IGF2BP3: variants seen among roughly 807,000 people sequenced by gnomAD.
IGF2BP3 encodes insulin-like growth factor 2 mRNA-binding protein 3.
IGF2BP3 carries 9 observed loss-of-function variants against 73.8 expected under a neutral mutation model. That is an observed-to-expected ratio of 0.12 (90% CI 0.07 to 0.21). IGF2BP3 has a LOEUF of 0.21. IGF2BP3 is among the 10% of genes least tolerant of loss of function. IGF2BP3 has a pLI of 1.00. For missense variants in IGF2BP3, 542 were observed against 714.0 expected (o/e 0.76, Z 2.75); for synonymous variants, 258 against 256.7 (o/e 1.01, Z -0.05).
intron 10 of IGF2BP3, among the ~76,000 whole-genome samples, chr7:23,321,795 A>T (rs538824586): frequency 4.7e-4 from 72 of 152,090 alleles, no homozygotes; most frequent in Admixed American, 1.0e-3. Flanking sequence ...ACTGGGAGGC[A>T]CCCCCCAGCA....
At chr7:23,409,615 A>C (rs2128530299) in intron 3 of IGF2BP3, among the ~76,000 whole-genome samples, 1 of 152,340 alleles carries the variant, frequency 6.6e-6, no homozygotes, top group South Asian at 2.1e-4. Flanking sequence ...TTGTAACAAA[A>C]GTGTGAGGGC....
At chr7:23,325,106 C>A (rs1269260101) in intron 10 of IGF2BP3, among the ~76,000 whole-genome samples, 3 of 151,958 alleles carry the variant, frequency 2.0e-5, no homozygotes, top group African/African-American at 7.3e-5. Flanking sequence ...AAAGGGTATT[C>A]AATTAGGAAA....
chr7:23,398,258 C>G (rs1786542335), intron 3 of IGF2BP3, among the ~76,000 whole-genome samples: 1 of 152,136 alleles, frequency 6.6e-6, no homozygotes, highest in Non-Finnish European at 1.5e-5. Context: ...TTTTTTATGG[C>G]TGCATAGTAT....
intron 2 of IGF2BP3, among the ~76,000 whole-genome samples, chr7:23,437,526 C>T (rs1787834350): frequency 6.6e-6 from 1 of 151,112 alleles, no homozygotes; most frequent in Non-Finnish European, 1.5e-5. Flanking sequence ...ATAAATAAAA[C>T]AATCTGGACT....
chr7:23,355,933 CA>C (rs35407214), intron 5 of IGF2BP3, among the ~76,000 whole-genome samples: 58,453 of 115,718 alleles, frequency 0.51, 13,009 homozygotes, highest in African/African-American at 0.69. Context: ...ACTTTGTCTC[CA>C]AAAAAAAAAA....
Position 23,347,684 on chromosome 7 carries a change from G to C in IGF2BP3, c.734C>G (p.Thr245Ser). Residue 245 changes from threonine to serine, a missense_variant, in exon 7 of 15, where the codon ACT becomes AGT. By Grantham distance (58) the Thr-to-Ser change is moderately conservative. Around this residue, in one of 2 missense-constraint regions of IGF2BP3, gnomAD observed 303 missense variants for 472.1 expected, o/e 0.64. Transcript: ENST00000258729. ...ENAGAAEKSITILSTPEGTSA... is the reference protein window; with the variant it reads ...ENAGAAEKSISILSTPEGTSA... ...GGTGCCTTCAGGAGTAGAGAGGATA[G>C]TAATCGACTTCTCAGCAGCCCCCGC... 4.3e-6 allele frequency: 7 copies of C among 1,614,116 alleles called. No homozygotes were observed. The highest frequency in any genetic ancestry group is 5.9e-6 in the Non-Finnish European group (7 of 1,180,034).
At position 23,361,327 on chromosome 7, in the gene IGF2BP3, T is replaced by C. The variant is rs1026251110; in HGVS notation, c.401+207A>G. ...CACTCTATTATTGGCATTAAAGATA[T>C]ATTGAAAATGTAATACAACTTTAAC... On this transcript the variant is annotated intron_variant, in intron 5 of 14. Transcript: ENST00000258729. 1.6e-5 allele frequency: 8 copies of C among 512,438 alleles called. No individual in the cohort carries two copies. The Admixed American group carries it at 1.7e-4, about 11-fold the overall frequency. 31.7% of individuals were successfully genotyped at this position (512,438 alleles called of 1,614,324 possible). A position where few individuals can be genotyped will look rare whatever the true frequency, so the allele number is the denominator to read the frequency against.
chr7:23,329,733 T>C (rs1046983373), intron 10 of IGF2BP3, among the ~76,000 whole-genome samples: 7 of 152,224 alleles, frequency 4.6e-5, no homozygotes, highest in Non-Finnish European at 8.8e-5. Context: ...GCAGCAGCCA[T>C]GTGGCAAGAT....
At chr7:23,459,552 G>T (rs951724832) in intron 2 of IGF2BP3, among the ~76,000 whole-genome samples, 1 of 152,122 alleles carries the variant, frequency 6.6e-6, no homozygotes, top group African/African-American at 2.4e-5. Context: ...TGGACTTGGG[G>T]CCAGGTGCGG....
Position 23,443,858 on chromosome 7 carries a change from A to T in IGF2BP3, c.236+24624T>A, listed in dbSNP as rs537579217. 7.9e-5 allele frequency among the ~76,000 whole-genome samples: 12 copies of T among 151,682 alleles called. No individual in the cohort carries two copies. The South Asian group carries it at 2.1e-3, about 26-fold the overall frequency. ...CCCCGTCTCTACTAAAAATACAGAA[A>T]ATTAGCCAGGCATGGTGGCACACGC... On this transcript the variant is annotated intron_variant, in intron 2 of 14. Transcript: ENST00000258729.
chr7:23,403,776 C>G (rs533540298), intron 3 of IGF2BP3, among the ~76,000 whole-genome samples: 1 of 152,168 alleles, frequency 6.6e-6, no homozygotes, highest in South Asian at 2.1e-4. Context: ...TAGCACAATT[C>G]CCTTCTATAT....
chr7:23,453,738 C>T (rs1788252906), intron 2 of IGF2BP3, among the ~76,000 whole-genome samples: 1 of 152,232 alleles, frequency 6.6e-6, no homozygotes, highest in Admixed American at 6.5e-5. Context: ...ACCTTGCCAA[C>T]ACCAGATACG....
At chr7:23,406,343 T>G (rs1235900054) in intron 3 of IGF2BP3, among the ~76,000 whole-genome samples, 12 of 152,146 alleles carry the variant, frequency 7.9e-5, no homozygotes, top group Admixed American at 7.9e-4. Context: ...AACAAAATAC[T>G]AATCAAATTG....
At chr7:23,314,983 A>C (rs1166969593) in intron 12 of IGF2BP3, among the ~76,000 whole-genome samples, 1 of 151,872 alleles carries the variant, frequency 6.6e-6, no homozygotes, top group Non-Finnish European at 1.5e-5. Context: ...TTGTTATTTT[A>C]GTTGAGACGG....
intron 10 of IGF2BP3, among the ~76,000 whole-genome samples, chr7:23,335,071 A>AT (rs1278894560): frequency 7.5e-6 from 1 of 133,326 alleles, no homozygotes; most frequent in Non-Finnish European, 1.6e-5. Flanking sequence ...AGTCTTTAAC[A>AT]TTAAAAAAAA....
Position 23,317,628 on chromosome 7 carries a change from A to G in IGF2BP3, c.1395+11T>C, listed in dbSNP as rs200186275. 1.2e-6 allele frequency: 2 copies of G among 1,610,550 alleles called. No individual in the cohort carries two copies. Among genetic ancestry groups the G allele is most frequent in the Non-Finnish European group, 1.7e-6 (2 of 1,176,742 alleles). On this transcript the variant is annotated intron_variant, in intron 12 of 14. Transcript: ENST00000258729. Reference sequence around the variant, plus strand: ...TACCTGTGGACATAGCACATACTCTAGAGCACATACCTTGAACTGAGCCTC... The same window carrying G: ...TACCTGTGGACATAGCACATACTCTGGAGCACATACCTTGAACTGAGCCTC...
intron 10 of IGF2BP3, among the ~76,000 whole-genome samples, chr7:23,330,533 A>G (rs1055157849): frequency 1.3e-5 from 2 of 152,048 alleles, no homozygotes; most frequent in Admixed American, 6.5e-5. Flanking sequence ...GCTTAAACCT[A>G]TGATCATCAA....
intron 3 of IGF2BP3, among the ~76,000 whole-genome samples, chr7:23,372,912 A>G (rs754041061): frequency 3.3e-5 from 5 of 152,200 alleles, no homozygotes; most frequent in Non-Finnish European, 5.9e-5. Context: ...AGAAAAGTTC[A>G]CAGTGTCAGA....
At chr7:23,354,731 CA>C (rs1178883785) in intron 5 of IGF2BP3, among the ~76,000 whole-genome samples, 2 of 152,180 alleles carry the variant, frequency 1.3e-5, no homozygotes, top group African/African-American at 2.4e-5. Flanking sequence ...CTGAAGAGGT[CA>C]GGTGGCCCGG....
Sources: gnomAD v4.1 joint callset for allele counts (sites outside exome capture counted in the v4.1 genomes callset) on GRCh38, gnomAD v4.1.1 for gene constraint, gnomAD v4.1.1 regional missense constraint, MANE v1.5 for transcripts, NCBI Gene and HGNC (gene_info 2026-07-23, HGNC 2026-07-21) for gene names.